STK32B: variants seen among roughly 807,000 people sequenced by gnomAD.
STK32B encodes the protein serine/threonine kinase 32B.
Under a neutral mutation model 52.6 loss-of-function variants are expected in STK32B, and 43 were observed. The ratio of observed to expected loss-of-function variants is 0.82; its 90% CI spans 0.64 to 1.05. STK32B has a LOEUF of 1.05. Ranked by LOEUF, STK32B falls within the 50% of genes least tolerant of loss-of-function variation. The pLI is 0.00. For missense variants in STK32B, 621 were observed against 534.6 expected (o/e 1.16, Z -1.59); for synonymous variants, 238 against 204.3 (o/e 1.17, Z -1.41).
intron 2 of STK32B, among the ~76,000 whole-genome samples, chr4:5,164,182 A>G (rs959434724): frequency 1.3e-5 from 2 of 152,202 alleles, no homozygotes; most frequent in African/African-American, 4.8e-5. Flanking sequence ...GAAGGCCAGA[A>G]GTCTTGAATC....
intron 3 of STK32B, among the ~76,000 whole-genome samples, chr4:5,303,880 T>C (rs1172214831): frequency 2.7e-5 from 4 of 149,996 alleles, no homozygotes; most frequent in Non-Finnish European, 4.4e-5. Context: ...GAGGATCCAG[T>C]TGCATTCTTT....
chr4:5,157,433 G>A (rs1717948476), intron 2 of STK32B, among the ~76,000 whole-genome samples: 2 of 152,136 alleles, frequency 1.3e-5, no homozygotes, highest in African/African-American at 4.8e-5. Context: ...TGCAGAAAAT[G>A]TGTAGTGCAG....
intron 3 of STK32B, among the ~76,000 whole-genome samples, chr4:5,235,671 G>A (rs557008086): frequency 6.6e-6 from 1 of 152,292 alleles, no homozygotes; most frequent in South Asian, 2.1e-4. Flanking sequence ...TGTCATTGTG[G>A]AATGGAGGCT....
rs182110781 is a variant in STK32B, at chr4:5,075,432, A to C, written c.52+23517A>C. On this transcript the variant is annotated intron_variant, in intron 1 of 11. Coordinates refer to ENST00000282908, the MANE Select transcript of STK32B (RefSeq NM_018401.3). ...ACTTTTTTATATGTCTTCTGTGAAA[A>C]TCACCTTAAAAATGTTTCTCAATCT... Among the ~76,000 whole-genome samples the C allele has an allele frequency of 3.0e-3, 461 of 152,252 alleles. 4 individuals are homozygous for C. Among genetic ancestry groups the C allele is most frequent in the African/African-American group, 0.011 (452 of 41,546 alleles).
intron 5 of STK32B, among the ~76,000 whole-genome samples, chr4:5,402,882 A>G (rs1737408357): frequency 6.6e-6 from 1 of 152,112 alleles, no homozygotes; most frequent in Non-Finnish European, 1.5e-5. Context: ...AGGAAGGGAC[A>G]TGTACATTGG....
intron 3 of STK32B, among the ~76,000 whole-genome samples, chr4:5,267,199 A>G (rs1727108237): frequency 1.3e-5 from 2 of 152,224 alleles, no homozygotes; most frequent in South Asian, 2.1e-4. Context: ...AAAGATTCCC[A>G]GTGAGCAATG....
chr4:5,496,751 G>A (rs184843020), intron 11 of STK32B, among the ~76,000 whole-genome samples: 4 of 151,520 alleles, frequency 2.6e-5, no homozygotes, highest in East Asian at 1.9e-4. Flanking sequence ...AAATGTTGCC[G>A]TTCCTTTTCA....
chr4:5,128,269 A>G (rs1715534410), intron 1 of STK32B, among the ~76,000 whole-genome samples: 1 of 152,186 alleles, frequency 6.6e-6, no homozygotes, highest in African/African-American at 2.4e-5. Flanking sequence ...AGCTTGTTAC[A>G]ACTGTCCTAG....
intron 3 of STK32B, among the ~76,000 whole-genome samples, chr4:5,229,891 A>G (rs1724134773): frequency 6.6e-6 from 1 of 152,226 alleles, no homozygotes; most frequent in African/African-American, 2.4e-5. Context: ...TCAAGTAGTT[A>G]CACTGAAGAT....
intron 3 of STK32B, among the ~76,000 whole-genome samples, chr4:5,227,930 A>G (rs1723984256): frequency 6.6e-6 from 1 of 152,194 alleles, no homozygotes; most frequent in South Asian, 2.1e-4. Flanking sequence ...AGGAGCCAGC[A>G]GTTTCGCCCA....
intron 3 of STK32B, among the ~76,000 whole-genome samples, chr4:5,281,675 C>G (rs1385634092): frequency 3.3e-5 from 5 of 152,058 alleles, no homozygotes; most frequent in African/African-American, 1.2e-4. Context: ...TCATGCTAAA[C>G]TCAGCAACAA....
chr4:5,286,460 A>G (rs1023374233), intron 3 of STK32B, among the ~76,000 whole-genome samples: 1 of 152,174 alleles, frequency 6.6e-6, no homozygotes, highest in Non-Finnish European at 1.5e-5. Context: ...GCCCCCTTCC[A>G]ATTACTATCC....
At chr4:5,142,733 T>A (rs1716571002) in intron 2 of STK32B, among the ~76,000 whole-genome samples, 1 of 152,162 alleles carries the variant, frequency 6.6e-6, no homozygotes, top group Admixed American at 6.5e-5. Context: ...GATGGTTAAT[T>A]TTATGTATCA....
chr4:5,318,211 A>G (rs1024282406), intron 3 of STK32B, among the ~76,000 whole-genome samples: 2 of 152,126 alleles, frequency 1.3e-5, no homozygotes, highest in African/African-American at 4.8e-5. Context: ...AGATTATTTC[A>G]TGTAGGGATA....
intron 11 of STK32B, among the ~76,000 whole-genome samples, chr4:5,496,470 C>A (rs540213136): frequency 5.8e-4 from 88 of 152,032 alleles, no homozygotes; most frequent in Non-Finnish European, 1.1e-3. Flanking sequence ...TTTCCAGGTG[C>A]CATCTGTCAC....
At chr4:5,104,239 G>T (rs944971621) in intron 1 of STK32B, among the ~76,000 whole-genome samples, 1 of 152,134 alleles carries the variant, frequency 6.6e-6, no homozygotes, top group Non-Finnish European at 1.5e-5. Flanking sequence ...AGTCTCACGA[G>T]ATCTGATGGT....
chr4:5,366,825 C>G (rs1424546884), intron 4 of STK32B, among the ~76,000 whole-genome samples: 1 of 152,124 alleles, frequency 6.6e-6, no homozygotes, highest in Non-Finnish European at 1.5e-5. Flanking sequence ...TGGTAGCTGC[C>G]ATCCGTTGCG....
At chr4:5,388,433 C>T (rs1239170095) in intron 4 of STK32B, among the ~76,000 whole-genome samples, 1 of 152,214 alleles carries the variant, frequency 6.6e-6, no homozygotes, top group Non-Finnish European at 1.5e-5. Context: ...CTGAGACCCA[C>T]ACAGTATTGG....
intron 3 of STK32B, among the ~76,000 whole-genome samples, chr4:5,178,237 C>T (rs544807488): frequency 6.6e-6 from 1 of 152,378 alleles, no homozygotes; most frequent in East Asian, 1.9e-4. Context: ...ATATGCCCAA[C>T]ACCACATGTA....
Sources: gnomAD v4.1 joint callset for allele counts (sites outside exome capture counted in the v4.1 genomes callset) on GRCh38, gnomAD v4.1.1 for gene constraint, MANE v1.5 for transcripts, NCBI Gene and HGNC (gene_info 2026-07-23, HGNC 2026-07-21) for gene names.